Variants in HEPHL1 observed in about 807,000 individuals in gnomAD.
The protein encoded by HEPHL1 is hephaestin like 1.
A neutral mutation model predicts 122.0 loss-of-function variants in HEPHL1; 123 were observed. That is an observed-to-expected ratio of 1.01 (90% CI 0.87 to 1.17). The LOEUF (loss-of-function observed/expected upper bound fraction) is 1.17, where lower values mean the gene tolerates loss of function less well. Among genes scored for constraint, HEPHL1 ranks in the 50% most tolerant of loss-of-function variants. The pLI is 0.00. For missense variants in HEPHL1, 1,452 were observed against 1,430.5 expected (o/e 1.01, Z -0.24); for synonymous variants, 527 against 508.9 (o/e 1.04, Z -0.48).
intron 9 of HEPHL1, among the ~76,000 whole-genome samples, chr11:94,076,061 T>A (rs557602753): frequency 6.6e-6 from 1 of 152,202 alleles, no homozygotes; most frequent in East Asian, 1.9e-4. Context: ...GGACATTTAT[T>A]TAAATGGTAT....
chr11:94,075,073 C>T (rs1946108749), intron 8 of HEPHL1, 101 bp from the exon 9 acceptor site: 2 of 940,406 alleles, frequency 2.1e-6, no homozygotes, highest in Non-Finnish European at 3.3e-6. Flanking sequence ...GTACAAAATT[C>T]TTCATCATCA....
chr11:94,077,882 C>T (rs1026783202), intron 9 of HEPHL1, among the ~76,000 whole-genome samples: 1 of 152,156 alleles, frequency 6.6e-6, no homozygotes, highest in Non-Finnish European at 1.5e-5. Flanking sequence ...CTGACCTTTG[C>T]GTGGCTAGTT....
chr11:94,075,203 C>T lies in HEPHL1; in HGVS notation c.1534C>T (p.Pro512Ser). The change falls in exon 9 of 20, where the codon CCA becomes TCA. Residue 512 changes from proline to serine, a missense_variant. Transcript: ENST00000315765. ...GFVKPGAHVK[P>S]GETFTYKWTV... Reference sequence around the variant, plus strand: ...TGTGAAACCAGGGGCGCATGTTAAACCAGGTGAAACCTTCACATACAAGTG... The same window carrying T: ...TGTGAAACCAGGGGCGCATGTTAAATCAGGTGAAACCTTCACATACAAGTG... The T allele has an allele frequency of 6.2e-7, 1 of 1,613,242 alleles. No homozygotes were observed. The highest frequency in any genetic ancestry group is 8.5e-7 in the Non-Finnish European group (1 of 1,179,526).
intron 9 of HEPHL1, among the ~76,000 whole-genome samples, chr11:94,076,668 A>C (rs1324440301): frequency 6.6e-6 from 1 of 152,134 alleles, no homozygotes; most frequent in African/African-American, 2.4e-5. Flanking sequence ...AGAGAAAACC[A>C]TTTGGCCAGA....
At chr11:94,028,325 A>G (rs2134403106) in intron 1 of HEPHL1, among the ~76,000 whole-genome samples, 1 of 152,336 alleles carries the variant, frequency 6.6e-6, no homozygotes, top group African/African-American at 2.4e-5. Flanking sequence ...CAAGGAAGCT[A>G]TCAGAAAACA....
intron 17 of HEPHL1, among the ~76,000 whole-genome samples, chr11:94,110,547 C>T (rs2134456442): frequency 6.6e-6 from 1 of 152,258 alleles, no homozygotes; most frequent in African/African-American, 2.4e-5. Context: ...TAATGATAAC[C>T]TAATCTTGGA....
intron 10 of HEPHL1, among the ~76,000 whole-genome samples, chr11:94,085,064 T>A (rs1359076723): frequency 1.3e-5 from 2 of 152,176 alleles, no homozygotes; most frequent in African/African-American, 4.8e-5. Flanking sequence ...TGCTATAGGC[T>A]TAGTAGAGAG....
intron 2 of HEPHL1, among the ~76,000 whole-genome samples, chr11:94,062,286 G>T (rs538621874): frequency 1.3e-5 from 2 of 152,260 alleles, no homozygotes; most frequent in Admixed American, 6.5e-5. Flanking sequence ...ATATGGGATT[G>T]CTTTGAAAAG....
intron 1 of HEPHL1, among the ~76,000 whole-genome samples, chr11:94,038,558 C>T (rs1945746146): frequency 9.3e-6 from 1 of 107,632 alleles, no homozygotes. Context: ...AGAGTGGGGG[C>T]CAATATTCAA....
At chr11:94,089,322 G>T (rs998591787) in intron 12 of HEPHL1, among the ~76,000 whole-genome samples, 5 of 152,210 alleles carry the variant, frequency 3.3e-5, no homozygotes, top group Non-Finnish European at 7.3e-5. Context: ...ATGATGTGGG[G>T]TGAGAGGATG....
chr11:94,049,092 G>A (rs1945866039), intron 2 of HEPHL1, among the ~76,000 whole-genome samples: 1 of 151,512 alleles, frequency 6.6e-6, no homozygotes, highest in South Asian at 2.1e-4. Flanking sequence ...TTGCACTCCA[G>A]CCTGGGCAAC....
chr11:94,042,475 C>A (rs1388511479), intron 1 of HEPHL1, among the ~76,000 whole-genome samples: 1 of 141,956 alleles, frequency 7.0e-6, no homozygotes, highest in Non-Finnish European at 1.5e-5. Flanking sequence ...GGAACCAACC[C>A]AAATGTCCAA....
chr11:94,032,941 A>T (rs2134405900), intron 1 of HEPHL1, among the ~76,000 whole-genome samples: 1 of 152,294 alleles, frequency 6.6e-6, no homozygotes, highest in Admixed American at 6.5e-5. Flanking sequence ...GTACAGCTCC[A>T]GTAAACACAC....
chr11:94,055,802 T>G, intron 2 of HEPHL1: 5 of 423,430 alleles, frequency 1.2e-5, no homozygotes, highest in Non-Finnish European at 1.3e-5. Flanking sequence ...ACCCATAGGA[T>G]GAGAAAATGA....
chr11:94,045,957 T>C, intron 2 of HEPHL1, 40 bp downstream of exon 2: 2 of 1,588,184 alleles, frequency 1.3e-6, no homozygotes, highest in Non-Finnish European at 1.7e-6. Context: ...TTGTCTCTAT[T>C]TCATAAGTAA....
At position 94,101,081 on chromosome 11, in the gene HEPHL1, C is replaced by T. The variant is rs972829636; in HGVS notation, c.2435-114C>T. 26 of 1,158,114 alleles carry T rather than the reference C, an allele frequency of 2.2e-5. No individual in the cohort carries two copies. The Admixed American group carries it at 2.5e-4, about 11-fold the overall frequency. 71.7% of individuals were successfully genotyped at this position (1,158,114 alleles called of 1,614,324 possible). A position where few individuals can be genotyped will look rare whatever the true frequency, so the allele number is the denominator to read the frequency against. ...GGAGTAGAGTTATATATGCCTTTCT[C>T]GGAAAAACAACTAAAGCCAAACTAT... is the stretch of plus-strand genomic sequence containing the variant. On this transcript the variant is annotated intron_variant, in intron 13 of 19. Coordinates refer to ENST00000315765, the MANE Select transcript of HEPHL1 (RefSeq NM_001098672.2).
In HEPHL1 at chr11:94,075,389, G is replaced by T; in HGVS notation, c.1716+4G>T. ...CCTCAATGCTGATGGGACACAGGTAGGCCATTGAGTGTCACCAGTTCTTCT... is the reference window on the plus strand; with the variant it reads ...CCTCAATGCTGATGGGACACAGGTATGCCATTGAGTGTCACCAGTTCTTCT... On this transcript the variant is annotated splice_donor_region_variant and intron_variant, in intron 9 of 19. Coordinates refer to ENST00000315765, the MANE Select transcript of HEPHL1 (RefSeq NM_001098672.2). 1 of 1,609,510 alleles carries T rather than the reference G, an allele frequency of 6.2e-7. No homozygotes were observed. Among genetic ancestry groups the T allele is most frequent in the Middle Eastern group, 2.0e-4 (1 of 4,974 alleles).
intron 2 of HEPHL1, 23 bp downstream of exon 2, chr11:94,045,940 T>TGG: frequency 3.7e-6 from 6 of 1,609,166 alleles, no homozygotes; most frequent in Non-Finnish European, 5.1e-6. Flanking sequence ...CCTTTATTAC[T>TGG]GGGGTCTTGT....
Position 94,112,511 on chromosome 11 carries a change from CAA to C in HEPHL1, c.*619_*620del, listed in dbSNP as rs1362489432. 1.3e-5 allele frequency: 2 copies of C among 152,176 alleles called. No homozygotes were observed. Among genetic ancestry groups the C allele is most frequent in the Non-Finnish European group, 2.9e-5 (2 of 68,018 alleles). The allele number at this position is 152,176 out of a possible 1,614,324, so 9.4% of individuals were successfully genotyped here. On this transcript the variant is annotated 3_prime_UTR_variant, in exon 20 of 20. Transcript: ENST00000315765. ...CCTGTGCAGTGCTTGTTTTAAAAAG[CAA>C]AGTTATACGTTTTTTAAAAAATTGC...
Sources: allele counts gnomAD v4.1 joint callset (sites outside exome capture counted in the v4.1 genomes callset), GRCh38; gene constraint gnomAD v4.1.1; transcripts MANE v1.5; gene names NCBI Gene and HGNC (gene_info 2026-07-23, HGNC 2026-07-21).